Variants in STARD13 observed in about 807,000 individuals in gnomAD.
STARD13 encodes StAR related lipid transfer domain containing 13.
In STARD13, 62 loss-of-function variants were observed where a neutral mutation model predicts 106.4. The ratio of observed to expected loss-of-function variants is 0.58; its 90% CI spans 0.48 to 0.72. The LOEUF (loss-of-function observed/expected upper bound fraction) is 0.72, where lower values mean the gene tolerates loss of function less well. Ranked by LOEUF, STARD13 falls within the 30% of genes least tolerant of loss-of-function variation. The pLI is 0.00. For missense variants in STARD13, 1,387 were observed against 1,424.0 expected (o/e 0.97, Z 0.42); for synonymous variants, 565 against 553.0 (o/e 1.02, Z -0.31).
chr13:33,226,106 C>T (rs145763025), intron 1 of STARD13, among the ~76,000 whole-genome samples: 128 of 152,338 alleles, frequency 8.4e-4, no homozygotes, highest in East Asian at 3.7e-3. Flanking sequence ...ATAGAGCCCT[C>T]ACCAGAACCC....
chr13:33,146,090 G>A (rs1880502098), intron 3 of STARD13, among the ~76,000 whole-genome samples: 1 of 152,088 alleles, frequency 6.6e-6, no homozygotes, highest in Non-Finnish European at 1.5e-5. Context: ...TTTGGGAGGT[G>A]AAGGCAGGTG....
chr13:33,366,852 A>C, the STARD13 span, among the ~76,000 whole-genome samples: 1 of 152,250 alleles, frequency 6.6e-6, no homozygotes, highest in Non-Finnish European at 1.5e-5. This position sits in a 1 kb window ranked among gnomAD's most constrained non-coding sequence, Gnocchi z 4.2. Context: ...TTCATGTGAT[A>C]GGCCGGATAT....
At chr13:33,167,940 C>G (rs2296389) in intron 1 of STARD13, among the ~76,000 whole-genome samples, 20,227 of 151,048 alleles carry the variant, frequency 0.13, 1,692 homozygotes, top group East Asian at 0.27. Context: ...ACCAGGGAAC[C>G]AGGGCACTAG....
the STARD13 span, among the ~76,000 whole-genome samples, chr13:33,666,587 A>G: frequency 4.1e-5 from 6 of 147,094 alleles, no homozygotes; most frequent in Non-Finnish European, 9.0e-5. Flanking sequence ...GAGCCACTGC[A>G]CCCAGCCTAT....
At chr13:33,153,382 C>T (rs1219304686) in intron 3 of STARD13, among the ~76,000 whole-genome samples, 1 of 152,106 alleles carries the variant, frequency 6.6e-6, no homozygotes, top group East Asian at 1.9e-4. Flanking sequence ...AGGAAAAGAG[C>T]CAGAGAGGGA....
the STARD13 span, among the ~76,000 whole-genome samples, chr13:33,575,182 C>G: frequency 1.3e-5 from 2 of 152,044 alleles, no homozygotes; most frequent in Non-Finnish European, 2.9e-5. Flanking sequence ...TCCCAAAATG[C>G]TGGGATTACA....
the STARD13 span, among the ~76,000 whole-genome samples, chr13:33,493,160 C>A: frequency 1.2e-4 from 19 of 152,130 alleles, no homozygotes; most frequent in Admixed American, 1.2e-3. Context: ...AGGGGTGGAA[C>A]AGCTAAAAAG....
intron 1 of STARD13, among the ~76,000 whole-genome samples, chr13:33,187,624 T>C (rs1163893265): frequency 6.7e-6 from 1 of 149,258 alleles, no homozygotes; most frequent in Non-Finnish European, 1.5e-5. Flanking sequence ...TAAAAGGATA[T>C]TTTTACTATG....
chr13:33,260,279 C>CAAAACCTTATCGTAGCA (rs1378880489), intron 1 of STARD13, among the ~76,000 whole-genome samples: 1 of 152,182 alleles, frequency 6.6e-6, no homozygotes, highest in Non-Finnish European at 1.5e-5. Context: ...GCCATAGATT[C>CAAAACCTTATCGTAGCA]AAAACCTTAT....
At chr13:33,292,427 CA>C (rs58278434) in intron 1 of STARD13, among the ~76,000 whole-genome samples, 1,147 of 113,000 alleles carry the variant, frequency 0.01, 9 homozygotes, top group African/African-American at 0.025. Context: ...CCCATCTCTA[CA>C]AAAAAAAAAA....
the STARD13 span, among the ~76,000 whole-genome samples, chr13:33,511,630 A>G: frequency 6.6e-6 from 1 of 152,172 alleles, no homozygotes; most frequent in African/African-American, 2.4e-5. Context: ...TTAAAAACTA[A>G]AAGATCCAAA....
the STARD13 span, among the ~76,000 whole-genome samples, chr13:33,414,871 T>A: frequency 6.6e-6 from 1 of 152,168 alleles, no homozygotes; most frequent in Admixed American, 6.5e-5. Flanking sequence ...TATAGTAATA[T>A]ACATAGCATG....
chr13:33,280,982 G>A (rs899152303), intron 1 of STARD13: 7 of 152,150 alleles, frequency 4.6e-5, no homozygotes, highest in Non-Finnish European at 1.0e-4. Flanking sequence ...ACAATTGTAA[G>A]CCACTGATAT....
intron 3 of STARD13, among the ~76,000 whole-genome samples, chr13:33,162,728 G>A (rs1349382268): frequency 6.6e-6 from 1 of 150,522 alleles, no homozygotes; most frequent in African/African-American, 2.5e-5. Context: ...ACCTCAACCT[G>A]GACTTTATTA....
At chr13:33,406,282 A>C in the STARD13 span, among the ~76,000 whole-genome samples, 1 of 152,130 alleles carries the variant, frequency 6.6e-6, no homozygotes, top group African/African-American at 2.4e-5. Context: ...TATTTTGCAG[A>C]AAAAAAACCT....
At chr13:33,359,182 T>C in the STARD13 span, among the ~76,000 whole-genome samples, 41 of 152,086 alleles carry the variant, frequency 2.7e-4, no homozygotes, top group Non-Finnish European at 5.0e-4. Flanking sequence ...TTGCTACTGC[T>C]CACTCTTTGG....
At chr13:33,560,982 G>C in the STARD13 span, among the ~76,000 whole-genome samples, 1 of 151,332 alleles carries the variant, frequency 6.6e-6, no homozygotes, top group Non-Finnish European at 1.5e-5. Flanking sequence ...CTTCAGTGTT[G>C]GCATTACTAA....
chr13:33,607,776 A>G, the STARD13 span, among the ~76,000 whole-genome samples: 2 of 152,260 alleles, frequency 1.3e-5, no homozygotes, highest in Admixed American at 1.3e-4. Context: ...AAGATATAAT[A>G]TAAAATATTA....
chr13:33,573,084 G>A, the STARD13 span, among the ~76,000 whole-genome samples: 1 of 152,112 alleles, frequency 6.6e-6, no homozygotes, highest in African/African-American at 2.4e-5. Flanking sequence ...ATCCTTCAGG[G>A]CTCTACATGA....
Sources: allele counts gnomAD v4.1 joint callset (sites outside exome capture counted in the v4.1 genomes callset), GRCh38; gene constraint gnomAD v4.1.1; non-coding constraint Gnocchi (gnomAD v3.1); transcripts MANE v1.5; gene names NCBI Gene and HGNC (gene_info 2026-07-23, HGNC 2026-07-21).